Variants in LRP1B observed in about 807,000 individuals in gnomAD.
The protein encoded by LRP1B is LDL receptor related protein 1B.
In LRP1B, 217 loss-of-function variants were observed where a neutral mutation model predicts 556.6. The observed-to-expected ratio is 0.39, with a 90% CI of 0.35 to 0.44. LRP1B has a LOEUF of 0.44. Among genes scored for constraint, LRP1B ranks in the 20% least tolerant of loss-of-function variants. The pLI is 1.00. For missense variants in LRP1B, 5,053 were observed against 5,620.8 expected (o/e 0.90, Z 3.23); for synonymous variants, 2,047 against 1,865.8 (o/e 1.10, Z -2.50).
chr2:140,430,581 A>G (rs896566791), intron 66 of LRP1B, among the ~76,000 whole-genome samples: 2 of 152,126 alleles, frequency 1.3e-5, no homozygotes, highest in African/African-American at 4.8e-5. Flanking sequence ...TTTCTCCTTC[A>G]CATCGGTCAC....
chr2:142,098,822 G>A (rs1195727880), intron 1 of LRP1B, among the ~76,000 whole-genome samples: 1 of 151,762 alleles, frequency 6.6e-6, no homozygotes, highest in Admixed American at 6.6e-5. Context: ...AATGGACTAA[G>A]CCATGGATAA....
chr2:140,636,331 TA>T (rs1379806774), intron 41 of LRP1B, among the ~76,000 whole-genome samples: 1 of 152,100 alleles, frequency 6.6e-6, no homozygotes, highest in Admixed American at 6.5e-5. Context: ...TAATACACAT[TA>T]ATTTGAGGTC....
At chr2:140,683,755 G>GTC (rs1685946658) in intron 41 of LRP1B, 6 of 963,668 alleles carry the variant, frequency 6.2e-6, no homozygotes, top group East Asian at 2.5e-5. Flanking sequence ...AGCCTTCTCA[G>GTC]TCTCTCTCTC....
intron 1 of LRP1B, among the ~76,000 whole-genome samples, chr2:142,129,756 C>T (rs1188992101): frequency 6.6e-6 from 1 of 152,130 alleles, no homozygotes; most frequent in Non-Finnish European, 1.5e-5. Context: ...GCCAGTGCCC[C>T]AAATATTCAT....
chr2:140,334,434 CGT>C lies in LRP1B; in HGVS notation c.12223+17_12223+18del, dbSNP rs768241978. 4.4e-5 allele frequency: 62 copies of C among 1,402,234 alleles called. No homozygotes were observed. The African/African-American group carries it at 8.1e-4, about 18-fold the overall frequency. The allele number at this position is 1,402,234 out of a possible 1,614,324, so 86.9% of individuals were successfully genotyped here. A position where few individuals can be genotyped will look rare whatever the true frequency, so the allele number is the denominator to read the frequency against. On this transcript the variant is annotated intron_variant, in intron 79 of 90. Transcript: ENST00000389484. ...CTTGTCATTCTGCTTCATATTTTAG[CGT>C]GTGTCAGAAATCATACCTGTGGGTC...
chr2:142,090,762 T>C (rs1053099614), intron 1 of LRP1B, among the ~76,000 whole-genome samples: 5 of 152,100 alleles, frequency 3.3e-5, no homozygotes, highest in Admixed American at 6.5e-5. Flanking sequence ...TAGGGGAAAT[T>C]TCATCTTCTA....
chr2:141,172,874 A>C (rs1680566502), intron 7 of LRP1B, among the ~76,000 whole-genome samples: 1 of 151,982 alleles, frequency 6.6e-6, no homozygotes, highest in Non-Finnish European at 1.5e-5. Context: ...TCCAAAAAGT[A>C]AGAGGATCTA....
intron 2 of LRP1B, among the ~76,000 whole-genome samples, chr2:141,678,163 T>A (rs994190637): frequency 2.0e-5 from 3 of 152,132 alleles, no homozygotes; most frequent in African/African-American, 7.2e-5. Context: ...GTGATACAGT[T>A]GAAGGAATAT....
intron 3 of LRP1B, among the ~76,000 whole-genome samples, chr2:141,347,150 GTTT>G (rs1044273954): frequency 7.2e-5 from 11 of 151,956 alleles, no homozygotes; most frequent in Non-Finnish European, 1.3e-4. Context: ...TACTTTTTGG[GTTT>G]TTTAACTTCA....
At chr2:141,869,780 G>T (rs1359958036) in intron 1 of LRP1B, among the ~76,000 whole-genome samples, 1 of 152,018 alleles carries the variant, frequency 6.6e-6, no homozygotes, top group Non-Finnish European at 1.5e-5. Context: ...AGAATGCCAG[G>T]GATAAAATAT....
At chr2:142,019,343 T>G (rs766625980) in intron 1 of LRP1B, among the ~76,000 whole-genome samples, 1 of 152,202 alleles carries the variant, frequency 6.6e-6, no homozygotes, top group Non-Finnish European at 1.5e-5. Flanking sequence ...TTCCTAATTA[T>G]GATACACGAT....
intron 1 of LRP1B, among the ~76,000 whole-genome samples, chr2:142,059,037 G>C (rs1704792886): frequency 6.6e-6 from 1 of 152,036 alleles, no homozygotes; most frequent in Admixed American, 6.6e-5. Context: ...TTATTCTTTG[G>C]ACTACTGCTT....
At chr2:141,071,802 G>A (rs550518040) in intron 7 of LRP1B, among the ~76,000 whole-genome samples, 11 of 152,110 alleles carry the variant, frequency 7.2e-5, no homozygotes, top group Admixed American at 2.0e-4. Flanking sequence ...TACAAGGGAC[G>A]CGAAGGACCT....
chr2:141,463,136 T>C (rs1681977760), intron 3 of LRP1B, among the ~76,000 whole-genome samples: 1 of 152,198 alleles, frequency 6.6e-6, no homozygotes, highest in African/African-American at 2.4e-5. Context: ...TTTAGATTAG[T>C]ATTGGTCCAT....
rs575297400 is a variant in LRP1B at position 141,188,860 on chromosome 2, A to G, written c.851-277T>C. Among the ~76,000 whole-genome samples, 4 of 152,138 alleles carry G rather than the reference A, an allele frequency of 2.6e-5. No homozygotes were observed. In the East Asian group the frequency reaches 7.8e-4, roughly 30 times the overall value. On this transcript the variant is annotated intron_variant, in intron 6 of 90. Transcript: ENST00000389484. Reference sequence around the variant, plus strand: ...ACGTTTTAAAATATAGGTATTTAGAATGTAATCTCTTACTTTTTGCATTTG... The same window carrying G: ...ACGTTTTAAAATATAGGTATTTAGAGTGTAATCTCTTACTTTTTGCATTTG...
intron 3 of LRP1B, among the ~76,000 whole-genome samples, chr2:141,423,442 G>A (rs1247864366): frequency 1.3e-5 from 2 of 151,830 alleles, no homozygotes; most frequent in Non-Finnish European, 2.9e-5. Flanking sequence ...ATGAAACTAA[G>A]CTGCTGCATC....
intron 1 of LRP1B, among the ~76,000 whole-genome samples, chr2:141,828,576 C>T (rs1697010746): frequency 6.6e-6 from 1 of 152,034 alleles, no homozygotes; most frequent in Non-Finnish European, 1.5e-5. Flanking sequence ...ATCATCATAT[C>T]CTTTGCAGGA....
intron 32 of LRP1B, among the ~76,000 whole-genome samples, chr2:140,776,920 C>T (rs1272267938): frequency 1.3e-5 from 2 of 152,094 alleles, no homozygotes; most frequent in East Asian, 3.9e-4. Context: ...ATTGTGAAAG[C>T]AAAACTGTAA....
At chr2:140,981,803 A>G (rs1696777267) in intron 18 of LRP1B, among the ~76,000 whole-genome samples, 1 of 152,110 alleles carries the variant, frequency 6.6e-6, no homozygotes, top group South Asian at 2.1e-4. Context: ...CTTACCCCAA[A>G]TGTTACTCCA....
Sources: gnomAD v4.1 joint callset for allele counts (sites outside exome capture counted in the v4.1 genomes callset) on GRCh38, gnomAD v4.1.1 for gene constraint, MANE v1.5 for transcripts, NCBI Gene and HGNC (gene_info 2026-07-23, HGNC 2026-07-21) for gene names.